The following ASPH variants were observed in gnomAD, a reference collection of about 807,000 sequenced individuals.
ASPH encodes aspartyl/asparaginyl beta-hydroxylase.
A neutral mutation model predicts 118.4 loss-of-function variants in ASPH; 100 were observed. That is an observed-to-expected ratio of 0.84 (90% confidence interval 0.72 to 1.00). The LOEUF is 1.00. Ranked by LOEUF, ASPH falls within the 50% of genes least tolerant of loss-of-function variation. The pLI, the probability that ASPH is intolerant of heterozygous loss-of-function variation, is 0.00. For synonymous variants in ASPH, 315 were observed against 325.6 expected, an observed-to-expected ratio of 0.97 and a Z score of 0.35; for missense variants, 920 against 919.5, an observed-to-expected ratio of 1.00 and a Z score of -0.01.
intron 3 of ASPH, among the ~76,000 whole-genome samples, chr8:61,667,378 A>ATTC (rs1820209512): frequency 6.6e-6 from 1 of 151,996 alleles, no homozygotes; most frequent in African/African-American, 2.4e-5. Flanking sequence ...TATTATTATT[A>ATTC]TTATTATTTT....
At chr8:61,510,664 C>G (rs1808491570) in intron 24 of ASPH, among the ~76,000 whole-genome samples, 2 of 152,194 alleles carry the variant, frequency 1.3e-5, no homozygotes, top group South Asian at 4.1e-4. Flanking sequence ...GGAACAGCCA[C>G]AGACACACCA....
intron 3 of ASPH, chr8:61,664,497 G>A: frequency 1.0e-6 from 1 of 984,672 alleles, no homozygotes; most frequent in Non-Finnish European, 1.2e-6. Context: ...TCTCGGAGCA[G>A]TGTATGTGGC....
chr8:61,523,616 C>T (rs1224289721), intron 22 of ASPH, among the ~76,000 whole-genome samples: 2 of 151,956 alleles, frequency 1.3e-5, no homozygotes, highest in Admixed American at 6.6e-5. Flanking sequence ...CACACCGAGC[C>T]CCAAATTTAT....
chr8:61,681,665 CTT>C (rs1413932234), intron 2 of ASPH, among the ~76,000 whole-genome samples: 1 of 151,648 alleles, frequency 6.6e-6, no homozygotes, highest in Non-Finnish European at 1.5e-5. Context: ...TAAAGGAAAA[CTT>C]ATGATTATTC....
chr8:61,526,075 C>T lies in ASPH; in HGVS notation c.1802G>A (p.Gly601Asp), dbSNP rs752542964. Residue 601 changes from glycine (G) to aspartate (D), a missense_variant, in exon 22 of 25, where the codon GGC becomes GAC. Coordinates refer to ENST00000379454, the MANE Select transcript of ASPH (RefSeq NM_004318.4). ...ERNWKLIRDEGLAVMDKAKGL... is the reference protein window; with the variant it reads ...ERNWKLIRDEDLAVMDKAKGL... ...TTTGGCTTTATCCATCACTGCAAGG[C>T]CTTCATCTCGGATTAACTTCCAGTT... The T allele has an allele frequency of 1.2e-6, 2 of 1,613,880 alleles. No individual in the cohort carries two copies. Among genetic ancestry groups the T allele is most frequent in the African/African-American group, 2.7e-5 (2 of 74,902 alleles).
intron 13 of ASPH, among the ~76,000 whole-genome samples, chr8:61,630,750 G>T (rs1477412507): frequency 6.6e-6 from 1 of 152,066 alleles, no homozygotes; most frequent in African/African-American, 2.4e-5. Context: ...GATAATAAAG[G>T]ACTGTTAATG....
At chr8:61,706,992 C>T (rs1209374960) in intron 1 of ASPH, among the ~76,000 whole-genome samples, 1 of 152,054 alleles carries the variant, frequency 6.6e-6, no homozygotes, top group African/African-American at 2.4e-5. Context: ...GTTCAGAGAT[C>T]TAAATGTAAA....
intron 3 of ASPH, chr8:61,658,355 A>G (rs1247654124): frequency 6.6e-6 from 1 of 152,230 alleles, no homozygotes; most frequent in African/African-American, 2.4e-5. Context: ...AGAATTAAAC[A>G]CTGCCAATAA....
chr8:61,517,350 C>T, intron 24 of ASPH, 178 bp downstream of exon 24: 1 of 879,300 alleles, frequency 1.1e-6, no homozygotes, highest in Non-Finnish European at 1.7e-6. Flanking sequence ...GGCAATGTCT[C>T]CAGGCTAATA....
intron 22 of ASPH, among the ~76,000 whole-genome samples, chr8:61,523,955 G>A (rs1337062214): frequency 6.6e-6 from 1 of 152,172 alleles, no homozygotes; most frequent in East Asian, 1.9e-4. Flanking sequence ...AGCCAGGTAT[G>A]TAGACGCACA....
intron 15 of ASPH, among the ~76,000 whole-genome samples, chr8:61,581,415 G>A (rs781348069): frequency 2.6e-5 from 4 of 152,204 alleles, no homozygotes; most frequent in Non-Finnish European, 5.9e-5. Flanking sequence ...AGACATGGAC[G>A]TAGGCCACAC....
At chr8:61,620,858 G>A (rs1387241532) in intron 13 of ASPH, among the ~76,000 whole-genome samples, 2 of 152,220 alleles carry the variant, frequency 1.3e-5, no homozygotes, top group African/African-American at 4.8e-5. Flanking sequence ...TGGTCATGAA[G>A]GGGAGTTTAG....
intron 13 of ASPH, among the ~76,000 whole-genome samples, chr8:61,629,920 G>A (rs1358541575): frequency 6.6e-6 from 1 of 152,212 alleles, no homozygotes; most frequent in Non-Finnish European, 1.5e-5. Context: ...ACCTGGGGAA[G>A]GTTACTTGGC....
intron 7 of ASPH, among the ~76,000 whole-genome samples, chr8:61,644,366 T>C (rs948487523): frequency 3.3e-5 from 5 of 152,244 alleles, no homozygotes; most frequent in African/African-American, 1.2e-4. Flanking sequence ...TTCAATTGTA[T>C]CTTTTGAACT....
At position 61,633,676 on chromosome 8, in the gene ASPH, G is replaced by A; in HGVS notation, c.934+7C>T. ...AAGAGGAAAATACAACATACAAAAT[G>A]TCATACCTGGTGGTACTTCCTGCTG... On this transcript the variant is annotated splice_region_variant and intron_variant, in intron 13 of 24. Coordinates refer to ENST00000379454, the MANE Select transcript of ASPH (RefSeq NM_004318.4). 7 of 1,593,704 alleles carry A rather than the reference G, an allele frequency of 4.4e-6. No homozygotes were observed. Among genetic ancestry groups the A allele is most frequent in the South Asian group, 1.2e-5 (1 of 86,332 alleles).
chr8:61,677,995 G>A (rs1314445316), intron 3 of ASPH, among the ~76,000 whole-genome samples: 4 of 151,950 alleles, frequency 2.6e-5, no homozygotes, highest in South Asian at 2.1e-4. Context: ...ATATACTCTC[G>A]GCATGTGATT....
At chr8:61,669,276 A>G (rs1050937486) in intron 3 of ASPH, among the ~76,000 whole-genome samples, 8 of 152,184 alleles carry the variant, frequency 5.3e-5, no homozygotes, top group African/African-American at 1.9e-4. Flanking sequence ...CTCCCCTTTC[A>G]CTATTGATAG....
At chr8:61,690,118 C>A (rs752978245) in intron 1 of ASPH, among the ~76,000 whole-genome samples, 33 of 152,194 alleles carry the variant, frequency 2.2e-4, no homozygotes, top group Non-Finnish European at 4.4e-4. Flanking sequence ...ATTGAAAACT[C>A]AAACAAGTCT....
chr8:61,679,955 A>C (rs1242920695), intron 3 of ASPH, among the ~76,000 whole-genome samples: 1 of 149,564 alleles, frequency 6.7e-6, no homozygotes, highest in African/African-American at 2.4e-5. Context: ...AAAAAAAAAA[A>C]AAACAAAAAA....
Sources: allele counts gnomAD v4.1 joint callset (sites outside exome capture counted in the v4.1 genomes callset), GRCh38; gene constraint gnomAD v4.1.1; transcripts MANE v1.5; gene names NCBI Gene and HGNC (gene_info 2026-07-23, HGNC 2026-07-21).